Variants in DGKB observed in about 807,000 individuals in gnomAD.
DGKB encodes the protein diacylglycerol kinase beta, also known as 90 kDa diacylglycerol kinase.
A neutral mutation model predicts 114.3 loss-of-function variants in DGKB; 67 were observed. The ratio of observed to expected loss-of-function variants is 0.59; its 90% CI spans 0.48 to 0.72. The LOEUF (loss-of-function observed/expected upper bound fraction) is 0.72. Ranked by LOEUF, DGKB falls within the 30% of genes least tolerant of loss-of-function variation. DGKB has a pLI of 0.00. For synonymous variants in DGKB, 398 were observed against 323.1 expected, an observed-to-expected ratio of 1.23 and a Z score of -2.49; for missense variants, 907 against 975.2, an observed-to-expected ratio of 0.93 and a Z score of 0.93.
chr7:14,509,942 G>A (rs1333215068), intron 20 of DGKB, among the ~76,000 whole-genome samples: 3 of 152,154 alleles, frequency 2.0e-5, no homozygotes, highest in Admixed American at 6.5e-5. Context: ...TTGGGAGGCC[G>A]AGGCGGGCTG....
At chr7:14,396,438 C>T (rs889745007) in intron 21 of DGKB, among the ~76,000 whole-genome samples, 2 of 152,052 alleles carry the variant, frequency 1.3e-5, no homozygotes, top group Non-Finnish European at 2.9e-5. Flanking sequence ...CCATCAGGGA[C>T]TCCATTAATT....
At chr7:14,421,327 T>G (rs1473156990) in intron 21 of DGKB, among the ~76,000 whole-genome samples, 1 of 152,134 alleles carries the variant, frequency 6.6e-6, no homozygotes, top group East Asian at 1.9e-4. Context: ...AGAGCCTAGA[T>G]GACTCACGAT....
At chr7:14,308,570 T>C (rs1472620691) in intron 23 of DGKB, among the ~76,000 whole-genome samples, 1 of 152,172 alleles carries the variant, frequency 6.6e-6, no homozygotes, top group East Asian at 1.9e-4. Context: ...TAATATTATA[T>C]GAGTGAATGG....
rs887561014 is a variant in DGKB at position 14,811,537 on chromosome 7, T to C, written c.70+29657A>G. ...TTATTCAAACGTGAAATTATTCAAGTTATTCAACGTGAAATTCTTTTCATA... is the reference window on the plus strand; with the variant it reads ...TTATTCAAACGTGAAATTATTCAAGCTATTCAACGTGAAATTCTTTTCATA... On this transcript the variant is annotated intron_variant, in intron 2 of 25. Coordinates refer to ENST00000402815, the MANE Select transcript of DGKB (RefSeq NM_001350709.2). Among the ~76,000 whole-genome samples the C allele has an allele frequency of 2.0e-5, 3 of 152,212 alleles. No homozygotes were observed. In the East Asian group the frequency reaches 5.8e-4, roughly 29 times the overall value.
intron 6 of DGKB, among the ~76,000 whole-genome samples, chr7:14,715,880 TC>T (rs1828101861): frequency 6.6e-6 from 1 of 152,206 alleles, no homozygotes; most frequent in Admixed American, 6.6e-5. Flanking sequence ...AGTGAGGACT[TC>T]CTGTAATCAG....
intron 9 of DGKB, among the ~76,000 whole-genome samples, chr7:14,689,040 TTA>T (rs945267980): frequency 6.6e-6 from 1 of 151,970 alleles, no homozygotes; most frequent in Non-Finnish European, 1.5e-5. Context: ...CCACACCTAG[TTA>T]TGTTTCAACT....
chr7:14,408,902 A>G (rs566340929), intron 21 of DGKB, among the ~76,000 whole-genome samples: 1 of 152,120 alleles, frequency 6.6e-6, no homozygotes, highest in Non-Finnish European at 1.5e-5. Context: ...AAAAAGTTAG[A>G]TATGTCATGA....
intron 1 of DGKB, among the ~76,000 whole-genome samples, chr7:14,956,198 C>T (rs1786498016): frequency 6.6e-6 from 1 of 151,820 alleles, no homozygotes; most frequent in South Asian, 2.1e-4. Context: ...TAACTAACTG[C>T]CTTTTCCATT....
intron 2 of DGKB, among the ~76,000 whole-genome samples, chr7:14,777,832 G>GT (rs202071037): frequency 0.01 from 1,570 of 151,910 alleles, 10 homozygotes; most frequent in Non-Finnish European, 0.013. Flanking sequence ...AATTTAAGGT[G>GT]TTTTTTTTCT....
intron 20 of DGKB, among the ~76,000 whole-genome samples, chr7:14,483,033 G>A (rs908603630): frequency 1.1e-4 from 17 of 151,590 alleles, no homozygotes; most frequent in African/African-American, 3.6e-4. Context: ...AGAAGTTAAC[G>A]TTTTGGTTTT....
At chr7:14,610,970 C>T (rs1805445901) in intron 16 of DGKB, among the ~76,000 whole-genome samples, 2 of 152,090 alleles carry the variant, frequency 1.3e-5, no homozygotes, top group Admixed American at 1.3e-4. Context: ...AAAATTAAGA[C>T]ATCTTCACAA....
At chr7:14,433,882 C>T (rs899625648) in intron 21 of DGKB, among the ~76,000 whole-genome samples, 1 of 152,150 alleles carries the variant, frequency 6.6e-6, no homozygotes, top group Admixed American at 6.6e-5. Flanking sequence ...ATACACCTTA[C>T]ACTCATAGCC....
At chr7:14,933,513 C>G (rs1323967465) in intron 1 of DGKB, among the ~76,000 whole-genome samples, 1 of 152,188 alleles carries the variant, frequency 6.6e-6, no homozygotes. Context: ...TATCTCTCTT[C>G]TGCCTCTTTC....
intron 1 of DGKB, among the ~76,000 whole-genome samples, chr7:14,962,779 A>C (rs1409795788): frequency 6.6e-6 from 1 of 152,112 alleles, no homozygotes; most frequent in African/African-American, 2.4e-5. Flanking sequence ...TTTCCATTTT[A>C]ATATTTTCAT....
intron 23 of DGKB, among the ~76,000 whole-genome samples, chr7:14,245,992 T>C (rs1794417813): frequency 1.3e-5 from 2 of 152,118 alleles, no homozygotes; most frequent in African/African-American, 2.4e-5. Context: ...GCTGGCTAGA[T>C]TGGACTGAAA....
intron 23 of DGKB, among the ~76,000 whole-genome samples, chr7:14,309,308 A>G (rs62443707): frequency 0.034 from 5,192 of 152,248 alleles, 189 homozygotes; most frequent in African/African-American, 0.088. Flanking sequence ...CACATAGTAG[A>G]TCTCCAATAC....
chr7:14,739,209 C>T (rs961526390), intron 4 of DGKB, among the ~76,000 whole-genome samples: 2 of 152,184 alleles, frequency 1.3e-5, no homozygotes, highest in African/African-American at 2.4e-5. Flanking sequence ...AAGGGAAGGT[C>T]CCCGGAGAAC....
chr7:14,971,858 G>T (rs1393051186), intron 1 of DGKB, among the ~76,000 whole-genome samples: 1 of 151,458 alleles, frequency 6.6e-6, no homozygotes, highest in African/African-American at 2.4e-5. Flanking sequence ...AGCCTCCGGG[G>T]TTCAAGTGAT....
intron 23 of DGKB, among the ~76,000 whole-genome samples, chr7:14,265,735 T>C (rs1045512919): frequency 1.3e-5 from 2 of 152,198 alleles, no homozygotes; most frequent in East Asian, 1.9e-4. Context: ...ACCCTCATGG[T>C]TGACAACAGT....
Sources: gnomAD v4.1 joint callset for allele counts (sites outside exome capture counted in the v4.1 genomes callset) on GRCh38, gnomAD v4.1.1 for gene constraint, MANE v1.5 for transcripts, NCBI Gene and HGNC (gene_info 2026-07-23, HGNC 2026-07-21) for gene names.